Variants in GALNT13 observed in about 807,000 individuals in gnomAD.
The protein encoded by GALNT13 is UDP-GalNAc:polypeptide N-acetylgalactosaminyltransferase 13.
Under a neutral mutation model 64.2 loss-of-function variants are expected in GALNT13, and 28 were observed. The ratio of observed to expected loss-of-function variants is 0.44; its 90% confidence interval spans 0.32 to 0.60. The LOEUF (loss-of-function observed/expected upper bound fraction) is 0.60, where lower values mean the gene tolerates loss of function less well. GALNT13 is among the 20% of genes least tolerant of loss of function. GALNT13 has a pLI of 0.05. For missense variants in GALNT13, 577 were observed against 669.8 expected (o/e 0.86, Z 1.53); for synonymous variants, 214 against 224.6 (o/e 0.95, Z 0.42).
At chr2:153,526,213 A>G in the GALNT13 span, among the ~76,000 whole-genome samples, 59 of 152,370 alleles carry the variant, frequency 3.9e-4, no homozygotes, top group Admixed American at 2.2e-3. Flanking sequence ...AAACATAGGC[A>G]GTAGCTAGGA....
the GALNT13 span, among the ~76,000 whole-genome samples, chr2:153,206,064 A>T: frequency 6.6e-6 from 1 of 152,112 alleles, no homozygotes; most frequent in Non-Finnish European, 1.5e-5. Flanking sequence ...AAAATGAAAA[A>T]AAAAGAAAGA....
At chr2:153,418,184 A>G in the GALNT13 span, among the ~76,000 whole-genome samples, 1 of 152,330 alleles carries the variant, frequency 6.6e-6, no homozygotes, top group South Asian at 2.1e-4. Flanking sequence ...TGATGACAGA[A>G]GCAGAGGTCA....
intron 2 of GALNT13, among the ~76,000 whole-genome samples, chr2:153,931,637 G>A (rs987251010): frequency 1.3e-5 from 2 of 151,836 alleles, no homozygotes; most frequent in Non-Finnish European, 2.9e-5. Context: ...TTCTGTTTAT[G>A]TGCTGAAGCA....
the GALNT13 span, among the ~76,000 whole-genome samples, chr2:153,201,477 T>A: frequency 1.4e-3 from 216 of 152,344 alleles, no homozygotes; most frequent in African/African-American, 4.9e-3. Flanking sequence ...ATATTGGTCA[T>A]GTCTTTAAAA....
At chr2:153,561,512 A>T in the GALNT13 span, among the ~76,000 whole-genome samples, 38 of 152,118 alleles carry the variant, frequency 2.5e-4, no homozygotes, top group Admixed American at 2.5e-3. Context: ...ATGTGTTTTG[A>T]CTGTGACCCA....
At chr2:153,192,848 A>G in the GALNT13 span, among the ~76,000 whole-genome samples, 1 of 151,354 alleles carries the variant, frequency 6.6e-6, no homozygotes, top group South Asian at 2.1e-4. Context: ...TGCATAGAAT[A>G]TTTTTTCCAT....
the GALNT13 span, among the ~76,000 whole-genome samples, chr2:153,734,084 G>GC: frequency 6.6e-6 from 1 of 152,062 alleles, no homozygotes; most frequent in African/African-American, 2.4e-5. Context: ...TCAGGTGACT[G>GC]CCCTAAGGTC....
chr2:153,075,893 C>T, the GALNT13 span, among the ~76,000 whole-genome samples: 1 of 151,630 alleles, frequency 6.6e-6, no homozygotes, highest in African/African-American at 2.4e-5. Context: ...CTCTACCTTG[C>T]TTTTTTTTAA....
At chr2:153,630,949 A>G in the GALNT13 span, among the ~76,000 whole-genome samples, 6 of 150,304 alleles carry the variant, frequency 4.0e-5, no homozygotes. Flanking sequence ...TCCTAGTGCT[A>G]TGCCTCCCCA....
chr2:153,113,192 G>A, the GALNT13 span, among the ~76,000 whole-genome samples: 32 of 152,056 alleles, frequency 2.1e-4, no homozygotes, highest in Non-Finnish European at 3.8e-4. Context: ...ATTCTTGAAT[G>A]TCTTATTTTT....
chr2:153,723,671 G>A, the GALNT13 span, among the ~76,000 whole-genome samples: 4 of 151,992 alleles, frequency 2.6e-5, no homozygotes, highest in African/African-American at 9.7e-5. Context: ...CAAACAAACA[G>A]AGAGCCAAAT....
At chr2:154,126,020 A>C (rs1365334911) in intron 3 of GALNT13, among the ~76,000 whole-genome samples, 2 of 152,282 alleles carry the variant, frequency 1.3e-5, no homozygotes, top group East Asian at 3.9e-4. Context: ...GAGGGAGCAC[A>C]TGAGGTCTGT....
At chr2:153,403,497 C>T in the GALNT13 span, among the ~76,000 whole-genome samples, 2 of 152,228 alleles carry the variant, frequency 1.3e-5, no homozygotes, top group African/African-American at 2.4e-5. Context: ...CTAATCAAGC[C>T]TGGGCAAAGG....
chr2:153,629,006 T>A, the GALNT13 span, among the ~76,000 whole-genome samples: 1 of 152,134 alleles, frequency 6.6e-6, no homozygotes, highest in Non-Finnish European at 1.5e-5. Flanking sequence ...AGCTATTAAT[T>A]ATTGCCACAA....
chr2:153,216,812 A>G, the GALNT13 span, among the ~76,000 whole-genome samples: 12 of 151,906 alleles, frequency 7.9e-5, no homozygotes, highest in African/African-American at 2.2e-4. Context: ...TAAATGTTCA[A>G]TTTATCAATT....
intron 3 of GALNT13, among the ~76,000 whole-genome samples, chr2:153,967,989 A>G (rs62172784): frequency 0.08 from 12,081 of 150,890 alleles, 640 homozygotes; most frequent in Middle Eastern, 0.12. Context: ...CCTCTGTACT[A>G]TCTTCTCTCC....
the GALNT13 span, among the ~76,000 whole-genome samples, chr2:153,308,291 T>A: frequency 6.6e-6 from 1 of 152,282 alleles, no homozygotes; most frequent in Middle Eastern, 3.4e-3. Context: ...TCTAAATGGT[T>A]TCCAAAGAAT....
the GALNT13 span, among the ~76,000 whole-genome samples, chr2:153,163,908 C>T: frequency 6.6e-6 from 1 of 151,756 alleles, no homozygotes; most frequent in South Asian, 2.1e-4. Flanking sequence ...GTCCCAGCTA[C>T]TCGGGAGGCT....
Position 154,450,681 on chromosome 2 carries a change from T to G in GALNT13, c.*130T>G, listed in dbSNP as rs370166533. 99 of 815,394 alleles carry G rather than the reference T, an allele frequency of 1.2e-4. No homozygotes were observed. The African/African-American group carries it at 1.5e-3, about 13-fold the overall frequency. 50.5% of individuals were successfully genotyped at this position (815,394 alleles called of 1,614,324 possible). Reference sequence around the variant, plus strand: ...TTTAGTATTCTAAAACACAATTGTTTCTAATTCGTTTCTAGAAATGTTTGC... The same window carrying G: ...TTTAGTATTCTAAAACACAATTGTTGCTAATTCGTTTCTAGAAATGTTTGC... On this transcript the variant is annotated 3_prime_UTR_variant, in exon 13 of 13. Transcript: ENST00000392825.
Sources: gnomAD v4.1 joint callset for allele counts (sites outside exome capture counted in the v4.1 genomes callset) on GRCh38, gnomAD v4.1.1 for gene constraint, MANE v1.5 for transcripts, NCBI Gene and HGNC (gene_info 2026-07-23, HGNC 2026-07-21) for gene names.